The following DDX42 variants were observed in gnomAD, a reference collection of about 807,000 sequenced individuals.
The protein encoded by DDX42 is ATP-dependent RNA helicase DDX42.
Under a neutral mutation model 101.5 loss-of-function variants are expected in DDX42, and 22 were observed. The ratio of observed to expected loss-of-function variants is 0.22; its 90% CI spans 0.15 to 0.31. The LOEUF is 0.31. DDX42 is among the 10% of genes least tolerant of loss of function. The pLI is 1.00. For missense variants in DDX42, 849 were observed against 1,199.9 expected, an observed-to-expected ratio of 0.71 and a Z score of 4.32; for synonymous variants, 402 against 401.2, an observed-to-expected ratio of 1.00 and a Z score of -0.02.
Position 63,813,538 on chromosome 17 carries a change from T to A in DDX42, c.1902+84T>A, listed in dbSNP as rs542294955. The A allele has an allele frequency of 4.2e-5, 55 of 1,313,968 alleles. 2 individuals carry two copies. In the South Asian group the frequency reaches 7.3e-4, roughly 18 times the overall value. The allele number at this position is 1,313,968 out of a possible 1,614,324, so 81.4% of individuals were successfully genotyped here. A position where few individuals can be genotyped will look rare whatever the true frequency, so the allele number is the denominator to read the frequency against. On this transcript the variant is annotated intron_variant, in intron 15 of 17. Coordinates refer to ENST00000389924, the MANE Select transcript of DDX42 (RefSeq NM_203499.3). Reference sequence around the variant, plus strand: ...GTCCTGGAACAGATAACATAAAAACTTGACAAGAAAGTTGGGTGGCTAGGA... The same window carrying A: ...GTCCTGGAACAGATAACATAAAAACATGACAAGAAAGTTGGGTGGCTAGGA...
In DDX42 at chr17:63,818,446, G is replaced by T; in HGVS notation, c.*48G>T. 1 of 1,553,528 alleles carries T rather than the reference G, an allele frequency of 6.4e-7. No homozygotes were observed. The stretch of plus-strand genomic sequence containing the variant: ...ATCAGTTGTCCTTAATTTTTAGAAA[G>T]ATTTTGGTAACTAGGTGTCTCAGGG... On this transcript the variant is annotated 3_prime_UTR_variant, in exon 18 of 18. Coordinates refer to ENST00000389924, the MANE Select transcript of DDX42 (RefSeq NM_203499.3).
At chr17:63,794,935 T>TAAAAAAAAAAAAA (rs11352891) in intron 3 of DDX42, among the ~76,000 whole-genome samples, 1 of 133,390 alleles carries the variant, frequency 7.5e-6, no homozygotes, top group African/African-American at 2.8e-5. Context: ...GACTCCATCT[T>TAAAAAAAAAAAAA]AAAAAAAAAA....
At chr17:63,776,808 C>T (rs943063067) in intron 1 of DDX42, among the ~76,000 whole-genome samples, 5 of 151,974 alleles carry the variant, frequency 3.3e-5, no homozygotes, top group African/African-American at 1.2e-4. Flanking sequence ...CCCAGAGAAG[C>T]TAAATAACTT....
At chr17:63,773,890 AAC>A (rs1194920990), upstream of DDX42, 2 of 158,162 alleles carry the variant, frequency 1.3e-5, no homozygotes, top group East Asian at 1.8e-4. Flanking sequence ...TAGTATATGC[AAC>A]AGTTTAAACT....
At position 63,787,211 on chromosome 17, in the gene DDX42, A is replaced by C; in HGVS notation, c.162A>C (p.Pro54=). The change falls in exon 2 of 18, where the codon CCA becomes CCC. Residue 54 remains proline (P), a synonymous_variant. Coordinates refer to ENST00000389924, the MANE Select transcript of DDX42 (RefSeq NM_203499.3). The part of the protein sequence containing the change: ...SSSGFGKSAP[P]QLPSFYKIGS... The stretch of plus-strand genomic sequence containing the variant: ...CTGGATTTGGAAAGTCAGCTCCACC[A>C]CAGCTTCCTTCTTTCTACAAAATTG... 1.9e-6 allele frequency: 3 copies of C among 1,614,164 alleles called. No individual in the cohort carries two copies. Among genetic ancestry groups the C allele is most frequent in the Non-Finnish European group, 2.5e-6 (3 of 1,180,030 alleles).
chr17:63,782,252 CTGGGCGA>C (rs1025680249), intron 1 of DDX42, among the ~76,000 whole-genome samples: 7 of 152,196 alleles, frequency 4.6e-5, no homozygotes, highest in African/African-American at 1.7e-4. Context: ...CCCTCCAGCT[CTGGGCGA>C]CAGAGCAAGA....
In DDX42 at chr17:63,782,723, C is replaced by T. The variant is rs149471844; in HGVS notation, c.-16-4311C>T. ...TCAGAATTTTGTCGCTTTATACCTG[C>T]GTTGCTGCAACAGCCTTCTACTTTC... On this transcript the variant is annotated intron_variant, in intron 1 of 17. Transcript: ENST00000389924. 2.0e-5 allele frequency among the ~76,000 whole-genome samples: 3 copies of T among 152,250 alleles called. No homozygotes were observed. In the East Asian group the frequency reaches 5.8e-4, roughly 29 times the overall value.
intron 2 of DDX42, 54 bp downstream of exon 2, chr17:63,787,324 C>A: frequency 1.9e-6 from 3 of 1,547,496 alleles, no homozygotes; most frequent in South Asian, 1.2e-5. Context: ...TATATTCATT[C>A]TATCAGCAGA....
At chr17:63,817,572 C>A in intron 17 of DDX42, 122 bp from the exon 18 acceptor site, 1 of 923,658 alleles carries the variant, frequency 1.1e-6, no homozygotes, top group Non-Finnish European at 1.6e-6. Flanking sequence ...GCCATCAGGA[C>A]ACTAAACTCA....
chr17:63,774,773 A>T (rs1046008724), intron 1 of DDX42: 1 of 152,368 alleles, frequency 6.6e-6, no homozygotes, highest in East Asian at 1.9e-4. Context: ...CTGAGAGGCA[A>T]AAGCTGCCAA....
intron 7 of DDX42, 162 bp from the exon 8 acceptor site, chr17:63,806,363 ATATTTGTTAC>A: frequency 2.0e-6 from 1 of 497,496 alleles, no homozygotes; most frequent in Non-Finnish European, 3.3e-6. Flanking sequence ...TATGAGGTTT[ATATTTGTTAC>A]CATTTGAGGT....
chr17:63,798,373 TA>T (rs1006131370), intron 4 of DDX42, among the ~76,000 whole-genome samples: 2 of 152,236 alleles, frequency 1.3e-5, no homozygotes, highest in Non-Finnish European at 2.9e-5. Context: ...TAGTAGAGTT[TA>T]GGGGAGCATA....
chr17:63,798,154 C>G, intron 4 of DDX42, 55 bp downstream of exon 4: 1 of 1,536,810 alleles, frequency 6.5e-7, no homozygotes, highest in South Asian at 1.1e-5. Flanking sequence ...TGAAGTATTG[C>G]AAAGTCTATT....
At chr17:63,817,061 G>T (rs2039985448) in intron 17 of DDX42, 95 bp downstream of exon 17, 1 of 986,164 alleles carries the variant, frequency 1.0e-6, no homozygotes, top group Admixed American at 2.3e-5. Context: ...TGGGCGCCTA[G>T]GCTTGATGCT....
chr17:63,808,104 G>A (rs1359875758), intron 9 of DDX42, among the ~76,000 whole-genome samples: 1 of 152,128 alleles, frequency 6.6e-6, no homozygotes, highest in Admixed American at 6.5e-5. Flanking sequence ...CTTTTGGAAA[G>A]TATTATGTGT....
At chr17:63,800,705 A>G in intron 6 of DDX42, 88 bp downstream of exon 6, 2 of 1,493,870 alleles carry the variant, frequency 1.3e-6, no homozygotes, top group Non-Finnish European at 1.8e-6. Context: ...GTAGTGGAAT[A>G]CTCTTACATC....
At chr17:63,789,562 TTTG>T (rs1567733050) in intron 2 of DDX42, among the ~76,000 whole-genome samples, 3 of 41,446 alleles carry the variant, frequency 7.2e-5, no homozygotes, top group African/African-American at 3.7e-4. Context: ...TGTTTTTGTT[TTTG>T]TTTTTGTTTT....
At chr17:63,777,640 G>A (rs1235403121) in intron 1 of DDX42, among the ~76,000 whole-genome samples, 1 of 151,908 alleles carries the variant, frequency 6.6e-6, no homozygotes, top group African/African-American at 2.4e-5. Flanking sequence ...AATAGAGATG[G>A]GGTTTCAGCA....
At chr17:63,792,909 A>G (rs939617340) in intron 3 of DDX42, among the ~76,000 whole-genome samples, 2 of 152,224 alleles carry the variant, frequency 1.3e-5, no homozygotes, top group Non-Finnish European at 2.9e-5. Context: ...ATTAAACTTA[A>G]GGAACTTGCC....
Sources: gnomAD v4.1 joint callset for allele counts (sites outside exome capture counted in the v4.1 genomes callset) on GRCh38, gnomAD v4.1.1 for gene constraint, MANE v1.5 for transcripts, NCBI Gene and HGNC (gene_info 2026-07-23, HGNC 2026-07-21) for gene names.